VPS13C: variants seen among roughly 807,000 people sequenced by gnomAD.
The protein encoded by VPS13C is intermembrane lipid transfer protein VPS13C.
Under a neutral mutation model 456.8 loss-of-function variants are expected in VPS13C, and 358 were observed. The ratio of observed to expected loss-of-function variants is 0.78; its 90% confidence interval spans 0.72 to 0.86. The LOEUF is 0.86. VPS13C is among the 40% of genes least tolerant of loss of function. The pLI is 0.00. For missense variants in VPS13C, 4,818 were observed against 4,385.4 expected, an observed-to-expected ratio of 1.10 and a Z score of -2.79; for synonymous variants, 1,578 against 1,486.7, an observed-to-expected ratio of 1.06 and a Z score of -1.41.
chr15:61,951,712 A>C, intron 39 of VPS13C, 112 bp downstream of exon 39: 1 of 1,170,802 alleles, frequency 8.5e-7, no homozygotes, highest in East Asian at 2.7e-5. Context: ...AGTTGAGTTA[A>C]TGTACTAGGA....
At position 62,033,436 on chromosome 15, in the gene VPS13C, T is replaced by C. The variant is rs779221102; in HGVS notation, c.385+5A>G. The C allele has an allele frequency of 8.8e-6, 14 of 1,590,648 alleles. No homozygotes were observed. Among genetic ancestry groups the C allele is most frequent in the Non-Finnish European group, 1.2e-5 (14 of 1,168,020 alleles). Reference sequence around the variant, plus strand: ...GTCTAAGTTTATCTCAAAAAAACTTTTTACCTTTTTCTGCTGCTTTTTGAA... The same window carrying C: ...GTCTAAGTTTATCTCAAAAAAACTTCTTACCTTTTTCTGCTGCTTTTTGAA... On this transcript the variant is annotated splice_donor_5th_base_variant and intron_variant, in intron 5 of 84. Transcript: ENST00000644861.
intron 81 of VPS13C, chr15:61,864,918 T>C: frequency 2.1e-6 from 2 of 975,586 alleles, no homozygotes; most frequent in Non-Finnish European, 2.4e-6. Context: ...GAAATGCAAG[T>C]ACAAGAAATA....
chr15:62,048,499 A>G (rs2048505563), intron 1 of VPS13C, among the ~76,000 whole-genome samples: 1 of 151,942 alleles, frequency 6.6e-6, no homozygotes, highest in Non-Finnish European at 1.5e-5. Context: ...AATCCAGTCT[A>G]TCGTTGTTGG....
At chr15:61,961,938 G>C (rs1393100925) in intron 34 of VPS13C, 45 bp from the exon 35 acceptor site, 2 of 1,544,072 alleles carry the variant, frequency 1.3e-6, no homozygotes, top group East Asian at 2.3e-5. Context: ...GAGAATACAG[G>C]CACATCAATA....
intron 15 of VPS13C, among the ~76,000 whole-genome samples, chr15:62,000,848 T>G (rs907016109): frequency 1.3e-5 from 2 of 152,142 alleles, no homozygotes; most frequent in African/African-American, 4.8e-5. Context: ...AAATATAGTA[T>G]GAAAATAATT....
intron 66 of VPS13C, among the ~76,000 whole-genome samples, chr15:61,904,753 G>C (rs1447131764): frequency 6.6e-6 from 1 of 152,060 alleles, no homozygotes; most frequent in Non-Finnish European, 1.5e-5. Flanking sequence ...TAGATGAATG[G>C]ATAAAGAAAA....
intron 15 of VPS13C, among the ~76,000 whole-genome samples, chr15:62,005,346 CT>C (rs2046794342): frequency 2.0e-5 from 3 of 152,130 alleles, no homozygotes; most frequent in East Asian, 3.9e-4. Context: ...CAACCCCTGC[CT>C]TTTTTTGTTT....
chr15:61,946,462 C>A, intron 43 of VPS13C, 52 bp from the exon 44 acceptor site: 2 of 1,349,068 alleles, frequency 1.5e-6, no homozygotes, highest in African/African-American at 1.5e-5. Context: ...CATGACTAAG[C>A]CAGTGGTATT....
rs1027339301 is a variant in VPS13C at position 61,950,458 on chromosome 15, T to C, written c.4537-41A>G. The C allele has an allele frequency of 4.9e-6, 7 of 1,414,718 alleles. No individual in the cohort carries two copies. In the African/African-American group the frequency reaches 8.5e-5, roughly 17 times the overall value. The allele number at this position is 1,414,718 out of a possible 1,614,324, so 87.6% of individuals were successfully genotyped here. A position where few individuals can be genotyped will look rare whatever the true frequency, so the allele number is the denominator to read the frequency against. On this transcript the variant is annotated intron_variant, in intron 40 of 84. Transcript: ENST00000644861. ...AATTACACCACTGAGTTTCAAACAC[T>C]AAAAATTCATACACTGAAAATATAC...
chr15:61,870,340 T>G (rs1479142726), intron 79 of VPS13C, among the ~76,000 whole-genome samples: 1 of 152,120 alleles, frequency 6.6e-6, no homozygotes, highest in Non-Finnish European at 1.5e-5. Context: ...TCCCTATGGA[T>G]TTGCCTATTC....
At chr15:61,990,203 A>C (rs2046181164) in intron 18 of VPS13C, among the ~76,000 whole-genome samples, 1 of 152,190 alleles carries the variant, frequency 6.6e-6, no homozygotes, top group Non-Finnish European at 1.5e-5. Flanking sequence ...GTAGTAAAAA[A>C]CAAAAAGAAA....
At chr15:62,015,283 G>C (rs1032957697) in intron 9 of VPS13C, among the ~76,000 whole-genome samples, 1 of 152,126 alleles carries the variant, frequency 6.6e-6, no homozygotes, top group Non-Finnish European at 1.5e-5. Context: ...GGATAAACTA[G>C]TTTCCTCCCA....
chr15:61,912,167 A>C (rs1488963177), intron 62 of VPS13C, among the ~76,000 whole-genome samples, 163 bp from the exon 63 acceptor site: 1 of 152,222 alleles, frequency 6.6e-6, no homozygotes. Flanking sequence ...TCTGAGAAAA[A>C]AATTATAGTT....
intron 17 of VPS13C, 78 bp from the exon 18 acceptor site, chr15:61,991,172 A>G (rs183473737): frequency 1.8e-6 from 2 of 1,106,062 alleles, no homozygotes; most frequent in Admixed American, 4.7e-5. Context: ...CAAACTAACA[A>G]GTATCCTAAA....
intron 52 of VPS13C, among the ~76,000 whole-genome samples, chr15:61,926,372 G>A (rs28510295): frequency 0.022 from 3,308 of 152,324 alleles, 114 homozygotes; most frequent in African/African-American, 0.076. Flanking sequence ...TGCACTAAAG[G>A]CTAGGTGACG....
At position 61,945,709 on chromosome 15, in the gene VPS13C, A is replaced by G; in HGVS notation, c.5148+6T>C. 1 of 1,575,004 alleles carries G rather than the reference A, an allele frequency of 6.3e-7. No homozygotes were observed. The highest frequency in any genetic ancestry group is 8.6e-7 in the Non-Finnish European group (1 of 1,166,376). On this transcript the variant is annotated splice_donor_region_variant and intron_variant, in intron 45 of 84. Coordinates refer to ENST00000644861, the MANE Select transcript of VPS13C (RefSeq NM_020821.3). ...GTGAGGAATAAATATATTTTTAAAA[A>G]CTTACCAAAAGAGACATGAAGAATT...
chr15:61,978,067 A>G (rs1015889386), intron 23 of VPS13C, among the ~76,000 whole-genome samples: 2 of 152,180 alleles, frequency 1.3e-5, no homozygotes, highest in Admixed American at 6.5e-5. Flanking sequence ...AAAAAAACAA[A>G]AATATTTACG....
chr15:61,981,549 G>A, intron 21 of VPS13C, 71 bp from the exon 22 acceptor site: 1 of 1,437,288 alleles, frequency 7.0e-7, no homozygotes. Context: ...TTAACAACTA[G>A]AATAAGAGTT....
intron 44 of VPS13C, among the ~76,000 whole-genome samples, 185 bp from the exon 45 acceptor site, chr15:61,946,067 T>C (rs2044594952): frequency 6.6e-6 from 1 of 152,140 alleles, no homozygotes; most frequent in Non-Finnish European, 1.5e-5. Flanking sequence ...ATAAAAAGCA[T>C]TTTATCAGTG....
Sources: gnomAD v4.1 joint callset for allele counts (sites outside exome capture counted in the v4.1 genomes callset) on GRCh38, gnomAD v4.1.1 for gene constraint, MANE v1.5 for transcripts, NCBI Gene and HGNC (gene_info 2026-07-23, HGNC 2026-07-21) for gene names.